The following ANO4 variants were observed in gnomAD, a reference collection of about 807,000 sequenced individuals.
The protein encoded by ANO4 is anoctamin-4.
A neutral mutation model predicts 141.9 loss-of-function variants in ANO4; 69 were observed. That is an observed-to-expected ratio of 0.49 (90% CI 0.40 to 0.59). The LOEUF (loss-of-function observed/expected upper bound fraction) is 0.59, where lower values mean the gene tolerates loss of function less well. ANO4 is among the 20% of genes least tolerant of loss of function. The pLI, the probability that ANO4 is intolerant of heterozygous loss-of-function variation, is 0.00. For missense variants in ANO4, 894 were observed against 1,162.2 expected, an observed-to-expected ratio of 0.77 and a Z score of 3.36; for synonymous variants, 350 against 394.3, an observed-to-expected ratio of 0.89 and a Z score of 1.33.
chr12:100,904,672 G>A (rs1444448092), intron 2 of ANO4, among the ~76,000 whole-genome samples: 3 of 152,142 alleles, frequency 2.0e-5, no homozygotes, highest in East Asian at 1.9e-4. Context: ...GGACTAGATC[G>A]GGCAGGACCT....
At chr12:100,950,649 C>T (rs2136203871) in intron 5 of ANO4, among the ~76,000 whole-genome samples, 1 of 152,326 alleles carries the variant, frequency 6.6e-6, no homozygotes, top group Admixed American at 6.5e-5. Flanking sequence ...TACCTTCAGC[C>T]TGATCCCACA....
At chr12:101,082,637 G>A (rs2049330289) in intron 15 of ANO4, among the ~76,000 whole-genome samples, 1 of 152,212 alleles carries the variant, frequency 6.6e-6, no homozygotes, top group Non-Finnish European at 1.5e-5. Flanking sequence ...ACCTACCCCT[G>A]AGGGAAGTCC....
At chr12:100,956,062 T>C (rs2043163515) in intron 5 of ANO4, among the ~76,000 whole-genome samples, 1 of 152,354 alleles carries the variant, frequency 6.6e-6, no homozygotes, top group East Asian at 1.9e-4. Flanking sequence ...ATACAATTGT[T>C]CTAGACCTTA....
chr12:100,929,841 T>C (rs956107394), intron 3 of ANO4, among the ~76,000 whole-genome samples: 1 of 152,132 alleles, frequency 6.6e-6, no homozygotes, highest in Non-Finnish European at 1.5e-5. Flanking sequence ...AACTTTATTT[T>C]ACAATGAAAT....
chr12:100,836,859 T>C (rs1255734253), intron 1 of ANO4, among the ~76,000 whole-genome samples: 1 of 152,122 alleles, frequency 6.6e-6, no homozygotes, highest in Non-Finnish European at 1.5e-5. Flanking sequence ...AGATATGTGA[T>C]ATTCCAGGTT....
chr12:101,034,989 G>GT (rs1306601798), intron 9 of ANO4, among the ~76,000 whole-genome samples: 1 of 152,148 alleles, frequency 6.6e-6, no homozygotes, highest in African/African-American at 2.4e-5. Context: ...CAGTGTGGCA[G>GT]TTTTTCAAAA....
chr12:101,079,242 T>A lies in ANO4; in HGVS notation c.1362T>A (p.Tyr454Ter). 6.2e-7 allele frequency: 1 copy of A among 1,614,064 alleles called. No homozygotes were observed. Among genetic ancestry groups the A allele is most frequent in the Non-Finnish European group, 8.5e-7 (1 of 1,179,946 alleles). ...AAAGACGGCGAGCAGTAATTGCTTA[T>A]GACTGGGATTTGATAGACTGGGAAG... The part of the protein sequence containing the change: ...FWKRRRAVIA[Y>*]DWDLIDWEEE... Residue 454 changes from tyrosine to a stop codon, truncating the protein, a stop_gained, in exon 15 of 28, where the codon TAT (tyrosine) becomes TAA (stop). Transcript: ENST00000392977. LOFTEE classifies it high-confidence loss of function.
chr12:101,027,965 G>T (rs2046811550), intron 9 of ANO4, among the ~76,000 whole-genome samples: 1 of 152,158 alleles, frequency 6.6e-6, no homozygotes, highest in Non-Finnish European at 1.5e-5. Flanking sequence ...CCCAGAAGAA[G>T]GAGCAGGCAC....
At chr12:101,075,772 C>T (rs1228138378) in intron 14 of ANO4, among the ~76,000 whole-genome samples, 1 of 148,780 alleles carries the variant, frequency 6.7e-6, no homozygotes, top group Non-Finnish European at 1.5e-5. Context: ...CATAAACCAC[C>T]TTTGAAGGAG....
intron 14 of ANO4, among the ~76,000 whole-genome samples, chr12:101,075,683 A>C (rs978046454): frequency 6.8e-6 from 1 of 147,344 alleles, no homozygotes; most frequent in Admixed American, 6.9e-5. Context: ...CTTTATATAA[A>C]ACATAAAGAT....
intron 3 of ANO4, among the ~76,000 whole-genome samples, chr12:100,783,045 G>C (rs921357659): frequency 5.9e-5 from 9 of 152,162 alleles, no homozygotes; most frequent in African/African-American, 2.2e-4. Flanking sequence ...GAGGTTGGAG[G>C]CTTCTTCCTC....
rs1344721878 is a variant in ANO4, at chr12:101,042,444, C to T, written c.1130C>T (p.Thr377Ile). 1 of 1,613,986 alleles carries T rather than the reference C, an allele frequency of 6.2e-7. No individual in the cohort carries two copies. The highest frequency in any genetic ancestry group is 2.2e-5 in the East Asian group (1 of 44,894). ...IGLFVFLYGV[T>I]TLDHSQVSKE... ...TTGTTTGTCTTTTTGTATGGCGTCA[C>T]CACTCTGGATCACAGCCAAGTCAGG... is the stretch of plus-strand genomic sequence containing the variant. Residue 377 changes from threonine (T) to isoleucine (I), a missense_variant, in exon 12 of 28, where the codon ACC (threonine) becomes ATC (isoleucine). By Grantham distance (89) the Thr-to-Ile change is moderately conservative (BLOSUM62 -1). This residue lies in a region of ANO4 where 637 missense variants were observed against 909.2 expected (regional missense o/e 0.70). Transcript: ENST00000392977.
At chr12:100,932,979 G>A (rs2042141131) in intron 3 of ANO4, among the ~76,000 whole-genome samples, 1 of 151,974 alleles carries the variant, frequency 6.6e-6, no homozygotes, top group Non-Finnish European at 1.5e-5. Context: ...CAAATGCATG[G>A]TATACACCTA....
intron 1 of ANO4, among the ~76,000 whole-genome samples, chr12:100,894,389 G>A (rs910310029): frequency 2.6e-5 from 4 of 152,082 alleles, no homozygotes; most frequent in Middle Eastern, 3.4e-3. Context: ...TGGGGGGAGC[G>A]GGGGCGGTCC....
intron 3 of ANO4, among the ~76,000 whole-genome samples, chr12:100,931,351 T>A (rs971363913): frequency 6.6e-6 from 1 of 152,174 alleles, no homozygotes; most frequent in East Asian, 1.9e-4. Flanking sequence ...TTCAGATAAA[T>A]GTTGAAATGG....
intron 1 of ANO4, among the ~76,000 whole-genome samples, chr12:100,812,502 A>C (rs1446556176): frequency 3.3e-5 from 5 of 152,202 alleles, no homozygotes; most frequent in Admixed American, 1.3e-4. Flanking sequence ...ATACATAATA[A>C]TGTGTATACA....
intron 1 of ANO4, among the ~76,000 whole-genome samples, chr12:100,851,605 G>C (rs2037874464): frequency 1.3e-5 from 2 of 152,064 alleles, no homozygotes; most frequent in Admixed American, 1.3e-4. Flanking sequence ...TCAAAGTGAT[G>C]ACAAATATTC....
chr12:100,930,420 A>G (rs2042043890), intron 3 of ANO4, among the ~76,000 whole-genome samples: 1 of 152,152 alleles, frequency 6.6e-6, no homozygotes, highest in Non-Finnish European at 1.5e-5. Flanking sequence ...TTTTCCCAGC[A>G]TCACTTATTG....
chr12:100,991,299 C>G (rs987195927), intron 8 of ANO4, among the ~76,000 whole-genome samples: 1 of 152,006 alleles, frequency 6.6e-6, no homozygotes, highest in African/African-American at 2.4e-5. Flanking sequence ...TTGAGAGTGA[C>G]ATTAATGGAT....
Sources: gnomAD v4.1 joint callset for allele counts (sites outside exome capture counted in the v4.1 genomes callset) on GRCh38, gnomAD v4.1.1 for gene constraint, gnomAD v4.1.1 regional missense constraint, MANE v1.5 for transcripts, NCBI Gene and HGNC (gene_info 2026-07-23, HGNC 2026-07-21) for gene names.